The following ATP8A1 variants were observed in gnomAD, a reference collection of about 807,000 sequenced individuals.
ATP8A1 encodes the protein phospholipid-transporting ATPase IA.
ATP8A1 carries 90 observed loss-of-function variants against 177.7 expected under a neutral mutation model. That is an observed-to-expected ratio of 0.51 (90% CI 0.43 to 0.60). The LOEUF (loss-of-function observed/expected upper bound fraction) is 0.60, where lower values mean the gene tolerates loss of function less well. Among genes scored for constraint, ATP8A1 ranks in the 20% least tolerant of loss-of-function variants. ATP8A1 has a pLI of 0.00. For missense variants in ATP8A1, 1,072 were observed against 1,392.8 expected, an observed-to-expected ratio of 0.77 and a Z score of 3.67; for synonymous variants, 493 against 485.9, an observed-to-expected ratio of 1.01 and a Z score of -0.19.
intron 6 of ATP8A1, among the ~76,000 whole-genome samples, chr4:42,597,795 C>T (rs1051636871): frequency 6.6e-5 from 10 of 151,914 alleles, no homozygotes; most frequent in South Asian, 6.3e-4. Flanking sequence ...CCAAACTGCT[C>T]GTTCACAATA....
chr4:42,635,792 TATATATATATATATATATAC>T (rs1178224177), intron 1 of ATP8A1, among the ~76,000 whole-genome samples: 6 of 105,678 alleles, frequency 5.7e-5, no homozygotes, highest in Middle Eastern at 6.1e-3. Context: ...CATATATATA[TATATATATATATATATATAC>T]ACATGTATGT....
chr4:42,588,297 G>C lies in ATP8A1; in HGVS notation c.557C>G (p.Ser186Cys). ...EPQAMCYIET[S>C]NLDGETNLKI... ...CAAGTTTGTTTCACCATCTAAGTTG[G>C]ATGTTTCAATGTAGCACATGGCTTG... The change falls in exon 8 of 37, where the codon TCC becomes TGC. Residue 186 changes from serine (S) to cysteine (C), a missense_variant. Ser to Cys is a moderately radical substitution (Grantham distance 112). This residue lies in a region of ATP8A1 where 344 missense variants were observed against 393.5 expected (regional missense o/e 0.87). Transcript: ENST00000381668. 3.1e-6 allele frequency: 5 copies of C among 1,613,862 alleles called. No individual in the cohort carries two copies. The highest frequency in any genetic ancestry group is 4.2e-6 in the Non-Finnish European group (5 of 1,179,842).
chr4:42,546,432 G>C (rs554990433), intron 19 of ATP8A1, among the ~76,000 whole-genome samples: 1 of 129,380 alleles, frequency 7.7e-6, no homozygotes, highest in African/African-American at 2.8e-5. Flanking sequence ...GGACTGTTGT[G>C]GGGTGGGGGG....
intron 27 of ATP8A1, among the ~76,000 whole-genome samples, chr4:42,457,348 G>A (rs1718595432): frequency 6.6e-6 from 1 of 152,134 alleles, no homozygotes; most frequent in Admixed American, 6.5e-5. Flanking sequence ...ATACATATTT[G>A]GGATACTCAG....
chr4:42,469,207 T>G (rs1337779186), intron 25 of ATP8A1, among the ~76,000 whole-genome samples: 1 of 152,204 alleles, frequency 6.6e-6, no homozygotes, highest in Non-Finnish European at 1.5e-5. Flanking sequence ...TAGCAATAAT[T>G]TTTACTCAGT....
intron 35 of ATP8A1, among the ~76,000 whole-genome samples, chr4:42,418,969 ATACT>A (rs1354722620): frequency 6.6e-6 from 1 of 152,230 alleles, no homozygotes; most frequent in African/African-American, 2.4e-5. Flanking sequence ...TTTAATAGTC[ATACT>A]TACTGAAGAT....
At chr4:42,510,972 C>T (rs1269262313) in intron 22 of ATP8A1, among the ~76,000 whole-genome samples, 1 of 152,146 alleles carries the variant, frequency 6.6e-6, no homozygotes, top group African/African-American at 2.4e-5. Flanking sequence ...GTGGCTTTAA[C>T]ACAAATCCTT....
At position 42,656,944 on chromosome 4, in the gene ATP8A1, C is replaced by A; in HGVS notation, c.-71G>T. The A allele has an allele frequency of 1.2e-5, 16 of 1,390,024 alleles. No homozygotes were observed. The highest frequency in any genetic ancestry group is 1.5e-5 in the Non-Finnish European group (16 of 1,050,756). 86.1% of individuals were successfully genotyped at this position (1,390,024 alleles called of 1,614,324 possible). A position where few individuals can be genotyped will look rare whatever the true frequency, so the allele number is the denominator to read the frequency against. On this transcript the variant is annotated 5_prime_UTR_variant, in exon 1 of 37. Coordinates refer to ENST00000381668, the MANE Select transcript of ATP8A1 (RefSeq NM_006095.2). ...GTCACGGCGTGGTACACGCGGGAGA[C>A]CCGGCTGCGCCGCGCAGAGCGCTCA...
chr4:42,618,907 C>T (rs1369459742), intron 4 of ATP8A1, among the ~76,000 whole-genome samples: 1 of 152,154 alleles, frequency 6.6e-6, no homozygotes, highest in Non-Finnish European at 1.5e-5. Context: ...CTCTGTTCTC[C>T]TTGCAATCCA....
At chr4:42,472,349 T>C (rs1285897575) in intron 25 of ATP8A1, 8 of 414,432 alleles carry the variant, frequency 1.9e-5, no homozygotes, top group Admixed American at 1.6e-4. Context: ...GGCGAGGATG[T>C]TAATTTTGAA....
intron 14 of ATP8A1, among the ~76,000 whole-genome samples, chr4:42,574,403 T>C (rs2290870): frequency 0.15 from 23,004 of 152,062 alleles, 2,155 homozygotes; most frequent in East Asian, 0.32. Context: ...GAAAATACCA[T>C]TGGGCAGAGC....
At chr4:42,512,977 T>C (rs893385502) in intron 22 of ATP8A1, among the ~76,000 whole-genome samples, 1 of 152,240 alleles carries the variant, frequency 6.6e-6, no homozygotes, top group African/African-American at 2.4e-5. Context: ...TGTGGTAGCA[T>C]GAAAACAGTT....
chr4:42,488,706 G>T (rs560428081), intron 24 of ATP8A1, among the ~76,000 whole-genome samples: 1 of 152,092 alleles, frequency 6.6e-6, no homozygotes, highest in Admixed American at 6.5e-5. Flanking sequence ...CACAATCTTG[G>T]TTTCTTTTGT....
At chr4:42,636,766 T>C (rs2109531317) in intron 1 of ATP8A1, among the ~76,000 whole-genome samples, 1 of 152,266 alleles carries the variant, frequency 6.6e-6, no homozygotes, top group South Asian at 2.1e-4. Context: ...CCCAGAGTCT[T>C]AGGGGACTGC....
chr4:42,620,954 G>A (rs1253737884), intron 4 of ATP8A1, among the ~76,000 whole-genome samples: 1 of 152,084 alleles, frequency 6.6e-6, no homozygotes, highest in Non-Finnish European at 1.5e-5. Flanking sequence ...AAAATTAAAC[G>A]AGAAAAACAT....
chr4:42,533,189 TGGGACAGCTGA>T (rs151272184), intron 20 of ATP8A1, among the ~76,000 whole-genome samples: 7,122 of 152,210 alleles, frequency 0.047, 564 homozygotes, highest in African/African-American at 0.16. Flanking sequence ...GCAGGCTCCA[TGGGACAGCTGA>T]GGGACTGTGA....
chr4:42,462,148 G>GA (rs1177910529), intron 27 of ATP8A1, among the ~76,000 whole-genome samples: 2 of 152,190 alleles, frequency 1.3e-5, no homozygotes, highest in African/African-American at 2.4e-5. Context: ...CAATAGAAAA[G>GA]AAAAATCTCA....
intron 1 of ATP8A1, among the ~76,000 whole-genome samples, chr4:42,653,981 C>T (rs1171251394): frequency 6.6e-6 from 1 of 152,176 alleles, no homozygotes; most frequent in Non-Finnish European, 1.5e-5. Flanking sequence ...CTTTAGGATC[C>T]TGCTGCTCAG....
At chr4:42,550,766 T>A (rs187659305) in intron 18 of ATP8A1, among the ~76,000 whole-genome samples, 1 of 152,218 alleles carries the variant, frequency 6.6e-6, no homozygotes, top group Non-Finnish European at 1.5e-5. Flanking sequence ...ATCTCCCCAA[T>A]GACTAACAAT....
Sources: gnomAD v4.1 joint callset for allele counts (sites outside exome capture counted in the v4.1 genomes callset) on GRCh38, gnomAD v4.1.1 for gene constraint, gnomAD v4.1.1 regional missense constraint, MANE v1.5 for transcripts, NCBI Gene and HGNC (gene_info 2026-07-23, HGNC 2026-07-21) for gene names.